Variants in ANAPC5 observed in about 807,000 individuals in gnomAD.
ANAPC5 encodes the protein anaphase-promoting complex subunit 5.
A neutral mutation model predicts 91.3 loss-of-function variants in ANAPC5; 60 were observed. That is an observed-to-expected ratio of 0.66 (90% CI 0.53 to 0.81). ANAPC5 has a LOEUF of 0.81. ANAPC5 is among the 40% of genes least tolerant of loss of function. ANAPC5 has a pLI of 0.00. For missense variants in ANAPC5, 690 were observed against 931.5 expected, an observed-to-expected ratio of 0.74 and a Z score of 3.37; for synonymous variants, 340 against 364.1, an observed-to-expected ratio of 0.93 and a Z score of 0.75.
At chr12:121,343,737 C>T (rs915154526) in intron 4 of ANAPC5, among the ~76,000 whole-genome samples, 8 of 152,196 alleles carry the variant, frequency 5.3e-5, no homozygotes, top group African/African-American at 1.9e-4. Context: ...CCCCCTGCCA[C>T]CCTGGGGATT....
intron 11 of ANAPC5, among the ~76,000 whole-genome samples, chr12:121,321,815 G>A (rs1902621306): frequency 1.3e-5 from 2 of 151,854 alleles, no homozygotes; most frequent in Admixed American, 1.3e-4. Flanking sequence ...TGGGATTACA[G>A]GCATGAGCCA....
intron 1 of ANAPC5, among the ~76,000 whole-genome samples, chr12:121,351,463 CT>C (rs1343364075): frequency 1.2e-3 from 167 of 144,524 alleles, no homozygotes; most frequent in Non-Finnish European, 1.3e-3. Flanking sequence ...GGCTTTATGC[CT>C]TTTTTTTTTT....
At chr12:121,353,535 G>A (rs1903984580), upstream of ANAPC5, among the ~76,000 whole-genome samples, 1 of 151,950 alleles carries the variant, frequency 6.6e-6, no homozygotes, top group Non-Finnish European at 1.5e-5. Flanking sequence ...CTACCTCCCT[G>A]GTTCACGCCA....
Position 121,308,557 on chromosome 12 carries a change from T to C in ANAPC5, c.2191A>G (p.Asn731Asp). 1 of 1,614,138 alleles carries C rather than the reference T, an allele frequency of 6.2e-7. No individual in the cohort carries two copies. The highest frequency in any genetic ancestry group is 8.5e-7 in the Non-Finnish European group (1 of 1,180,024). Residue 731 changes from asparagine to aspartate, a missense_variant, in exon 17 of 17, where the codon AAC becomes GAC. Asn to Asp is a conservative substitution (Grantham distance 23, BLOSUM62 1). Around this residue, in one of 5 missense-constraint regions of ANAPC5, gnomAD observed 317 missense variants for 438.7 expected, o/e 0.72. Coordinates refer to ENST00000261819, the MANE Select transcript of ANAPC5 (RefSeq NM_016237.5). ...YHTLGKTQER[N>D]RCAMLFRQLH... ...TGCCGGAAGAGCATCGCACACCGGT[T>C]CCTCTCCTGGGTCTTCCCCAGGGTA... is the stretch of plus-strand genomic sequence containing the variant.
At chr12:121,309,540 T>A (rs988229494) in intron 16 of ANAPC5, among the ~76,000 whole-genome samples, 161 bp downstream of exon 16, 3 of 152,070 alleles carry the variant, frequency 2.0e-5, no homozygotes, top group African/African-American at 7.2e-5. Flanking sequence ...CAAGCATGCA[T>A]GTGAAAGCAC....
At chr12:121,325,059 G>A (rs1902757243) in intron 11 of ANAPC5, among the ~76,000 whole-genome samples, 1 of 152,206 alleles carries the variant, frequency 6.6e-6, no homozygotes, top group African/African-American at 2.4e-5. Context: ...AGCTACTCAG[G>A]AGGCTGAGGT....
intron 13 of ANAPC5, among the ~76,000 whole-genome samples, chr12:121,319,105 G>GTA (rs1358176509): frequency 7.9e-6 from 1 of 125,956 alleles, no homozygotes; most frequent in African/African-American, 3.8e-5. Context: ...AGCATGCTGT[G>GTA]TATACACAAA....
At chr12:121,322,923 G>A (rs1306838603) in intron 11 of ANAPC5, among the ~76,000 whole-genome samples, 1 of 152,102 alleles carries the variant, frequency 6.6e-6, no homozygotes, top group Non-Finnish European at 1.5e-5. Flanking sequence ...TACTCAGGAG[G>A]CAAAGGCAGG....
chr12:121,325,661 G>A (rs1367386570), intron 11 of ANAPC5, among the ~76,000 whole-genome samples: 6 of 152,122 alleles, frequency 3.9e-5, no homozygotes, highest in Middle Eastern at 3.4e-3. Context: ...GAGGCCAGGA[G>A]TTCAAGACTA....
intron 7 of ANAPC5, chr12:121,334,070 G>A (rs975037016): frequency 6.6e-6 from 1 of 152,186 alleles, no homozygotes; most frequent in Non-Finnish European, 1.5e-5. Flanking sequence ...GAAGCCAGGA[G>A]TTTGAAACCA....
rs10400462 is a variant in ANAPC5, at chr12:121,341,857, G to A, written c.657+146C>T. On this transcript the variant is annotated intron_variant, in intron 5 of 16. Coordinates refer to ENST00000261819, the MANE Select transcript of ANAPC5 (RefSeq NM_016237.5). ...AGAGCTACAAGTGCTTCGTTAGTGA[G>A]GCAGAGGGGACCAAGAGTAAAGGCT... The A allele has an allele frequency of 5.8e-3, 2,966 of 510,048 alleles. 74 individuals are homozygous for A. Among genetic ancestry groups the A allele is most frequent in the African/African-American group, 0.054 (2,732 of 50,580 alleles). 31.6% of individuals were successfully genotyped at this position (510,048 alleles called of 1,614,324 possible).
In ANAPC5 at chr12:121,308,349, A is replaced by G; in HGVS notation, c.*131T>C. The G allele has an allele frequency of 1.4e-6, 1 of 738,116 alleles. No homozygotes were observed. Among genetic ancestry groups the G allele is most frequent in the Non-Finnish European group, 2.2e-6 (1 of 455,950 alleles). The allele number at this position is 738,116 out of a possible 1,614,324, so 45.7% of individuals were successfully genotyped here. Reference sequence around the variant, plus strand: ...ATACGTAGTTACTAGCAACAAAATAAGACAAACTAATCAGAATGCTGTTTA... The same window carrying G: ...ATACGTAGTTACTAGCAACAAAATAGGACAAACTAATCAGAATGCTGTTTA... On this transcript the variant is annotated 3_prime_UTR_variant, in exon 17 of 17. Transcript: ENST00000261819.
intron 9 of ANAPC5, among the ~76,000 whole-genome samples, chr12:121,329,879 T>C (rs1485123681): frequency 6.6e-6 from 1 of 152,100 alleles, no homozygotes; most frequent in Non-Finnish European, 1.5e-5. Context: ...CCTCCCAAAG[T>C]GCTGGGATTA....
intron 13 of ANAPC5, 66 bp downstream of exon 13, chr12:121,319,631 T>TAAAAC (rs1902516179): frequency 6.6e-7 from 1 of 1,506,808 alleles, no homozygotes; most frequent in African/African-American, 1.4e-5. Context: ...AATGCACATA[T>TAAAAC]AAAACAAAAA....
At chr12:121,336,842 G>A (rs1023492657) in intron 6 of ANAPC5, among the ~76,000 whole-genome samples, 8 of 152,166 alleles carry the variant, frequency 5.3e-5, no homozygotes, top group Admixed American at 3.9e-4. Flanking sequence ...AACCTATACC[G>A]AGTTGTTTGC....
intron 9 of ANAPC5, among the ~76,000 whole-genome samples, chr12:121,330,116 T>G (rs1416115704): frequency 9.2e-5 from 14 of 152,250 alleles, no homozygotes; most frequent in Admixed American, 8.5e-4. Context: ...CAGGCCACAC[T>G]TGGTTTCTGT....
intron 9 of ANAPC5, among the ~76,000 whole-genome samples, chr12:121,329,866 C>T (rs369934710): frequency 7.7e-4 from 116 of 150,994 alleles, no homozygotes; most frequent in African/African-American, 2.7e-3. Flanking sequence ...CCACCCACCC[C>T]GGCCTCCCAA....
At chr12:121,332,518 T>A (rs7971785) in intron 7 of ANAPC5, 1 of 151,930 alleles carries the variant, frequency 6.6e-6, no homozygotes, top group Non-Finnish European at 1.5e-5. Flanking sequence ...ATCTGAGATA[T>A]TACAACTATG....
chr12:121,331,094 G>T (rs1489701817), intron 8 of ANAPC5: 1 of 437,246 alleles, frequency 2.3e-6, no homozygotes, highest in Non-Finnish European at 4.2e-6. Context: ...TGTGATAAAG[G>T]TTTCTCTTCT....
Sources: allele counts gnomAD v4.1 joint callset (sites outside exome capture counted in the v4.1 genomes callset), GRCh38; gene constraint gnomAD v4.1.1; regional missense constraint gnomAD v4.1.1; transcripts MANE v1.5; gene names NCBI Gene and HGNC (gene_info 2026-07-23, HGNC 2026-07-21).